CDC42EP4: variants seen among roughly 807,000 people sequenced by gnomAD.
CDC42EP4 encodes the protein CDC42 effector protein 4, also known as CDC42 effector protein (Rho GTPase binding) 4.
Under a neutral mutation model 5.6 loss-of-function variants are expected in CDC42EP4, and 6 were observed. That is an observed-to-expected ratio of 1.07 (90% CI 0.59 to 2.12). The LOEUF (loss-of-function observed/expected upper bound fraction) is 2.12. Ranked by LOEUF, CDC42EP4 falls within the 30% of genes most tolerant of loss-of-function variation. The pLI, the probability that CDC42EP4 is intolerant of heterozygous loss-of-function variation, is 0.00. For synonymous variants in CDC42EP4, 230 were observed against 224.2 expected, an observed-to-expected ratio of 1.03 and a Z score of -0.23; for missense variants, 490 against 508.6, an observed-to-expected ratio of 0.96 and a Z score of 0.35.
Position 73,286,560 on chromosome 17 carries a change from T to A in CDC42EP4, c.-60A>T. ...GGTAGCCGGCAGGTCTGGGGTCAGATCTGAAGTCCAAGTCCAGTGGGCAGA... is the reference window on the plus strand; with the variant it reads ...GGTAGCCGGCAGGTCTGGGGTCAGAACTGAAGTCCAAGTCCAGTGGGCAGA... On this transcript the variant is annotated 5_prime_UTR_variant, in exon 2 of 2. Transcript: ENST00000335793. The surrounding 1 kb of genome is among the most constrained non-coding windows in gnomAD (Gnocchi z 7.7). 1 of 1,333,796 alleles carries A rather than the reference T, an allele frequency of 7.5e-7. No homozygotes were observed. Among genetic ancestry groups the A allele is most frequent in the Non-Finnish European group, 1.0e-6 (1 of 979,854 alleles). The allele number at this position is 1,333,796 out of a possible 1,614,324, so 82.6% of individuals were successfully genotyped here.
At chr17:73,291,289 GTCCCACTGCCCCAGCGAGGA>G (rs1482956089) in intron 1 of CDC42EP4, among the ~76,000 whole-genome samples, 2 of 152,196 alleles carry the variant, frequency 1.3e-5, no homozygotes, top group African/African-American at 4.8e-5. Context: ...TCACGCATCT[GTCCCACTGCCCCAGCGAGGA>G]GGGGGCTGCA....
intron 1 of CDC42EP4, among the ~76,000 whole-genome samples, chr17:73,305,338 G>A (rs1174092237): frequency 1.3e-5 from 2 of 152,228 alleles, no homozygotes; most frequent in Non-Finnish European, 2.9e-5. Flanking sequence ...CTCTAGGAGT[G>A]GTGCTACTAC....
Position 73,285,963 on chromosome 17 carries a change from C to T in CDC42EP4, c.538G>A (p.Asp180Asn), listed in dbSNP as rs749088950. 12 of 1,613,706 alleles carry T rather than the reference C, an allele frequency of 7.4e-6. No individual in the cohort carries two copies. The highest frequency in any genetic ancestry group is 1.6e-4 in the Middle Eastern group (1 of 6,062). Reference sequence around the variant, plus strand: ...GTCAGATCCCCAAAGGCCTGCTCATCGAGGAGGGGGTCAGGGGAATGTGGA... The same window carrying T: ...GTCAGATCCCCAAAGGCCTGCTCATTGAGGAGGGGGTCAGGGGAATGTGGA... Reference protein sequence around the residue: ...AGPHSPDPLLDEQAFGDLTDL... With the variant: ...AGPHSPDPLLNEQAFGDLTDL... Residue 180 changes from aspartate (D) to asparagine (N), a missense_variant, in exon 2 of 2, where the codon GAT becomes AAT. Coordinates refer to ENST00000335793, the MANE Select transcript of CDC42EP4 (RefSeq NM_012121.5). This position sits in a 1 kb window ranked among gnomAD's most constrained non-coding sequence, Gnocchi z 6.8.
intron 1 of CDC42EP4, among the ~76,000 whole-genome samples, chr17:73,299,557 A>G (rs2062208128): frequency 6.6e-6 from 1 of 151,906 alleles, no homozygotes; most frequent in South Asian, 2.1e-4. Flanking sequence ...TTCCTGCTTC[A>G]GCCTCCCAAA....
At chr17:73,294,305 T>A (rs1244055623) in intron 1 of CDC42EP4, among the ~76,000 whole-genome samples, 1 of 151,940 alleles carries the variant, frequency 6.6e-6, no homozygotes, top group East Asian at 1.9e-4. Flanking sequence ...TGAGCTGAGA[T>A]CGCGCCACTG....
chr17:73,291,336 A>G (rs985103924), intron 1 of CDC42EP4, among the ~76,000 whole-genome samples: 1 of 152,198 alleles, frequency 6.6e-6, no homozygotes, highest in Admixed American at 6.5e-5. Context: ...GGCAGTCCAC[A>G]CTGGGGATGA....
chr17:73,310,443 G>T (rs1256163591), intron 1 of CDC42EP4, among the ~76,000 whole-genome samples: 2 of 152,110 alleles, frequency 1.3e-5, no homozygotes, highest in African/African-American at 4.8e-5. Flanking sequence ...ACCCTCAGGG[G>T]AGGGCAGGGG....
intron 1 of CDC42EP4, among the ~76,000 whole-genome samples, chr17:73,287,661 G>T (rs2062141252): frequency 2.6e-5 from 4 of 152,152 alleles, no homozygotes; most frequent in Admixed American, 2.0e-4. Context: ...TGGGTGCAGG[G>T]ATTTAACAAA....
At chr17:73,303,815 T>C (rs549968513) in intron 1 of CDC42EP4, among the ~76,000 whole-genome samples, 1 of 152,332 alleles carries the variant, frequency 6.6e-6, no homozygotes, top group African/African-American at 2.4e-5. Context: ...TCACTGTGAT[T>C]TGAATATCAC....
chr17:73,284,025 C>CTTCT lies in CDC42EP4; in HGVS notation c.*1401_*1404dup. 1 of 152,374 alleles carries CTTCT rather than the reference C, an allele frequency of 6.6e-6. No individual in the cohort carries two copies. The highest frequency in any genetic ancestry group is 1.5e-5 in the Non-Finnish European group (1 of 68,038). 9.4% of individuals were successfully genotyped at this position (152,374 alleles called of 1,614,324 possible). The stretch of plus-strand genomic sequence containing the variant: ...GTCAACCTCAGGGCTCATACCCGAG[C>CTTCT]TTCTGCTCAATCCCCTCGGGGACAG... On this transcript the variant is annotated 3_prime_UTR_variant, in exon 2 of 2. Coordinates refer to ENST00000335793, the MANE Select transcript of CDC42EP4 (RefSeq NM_012121.5).
rs1291822523 is a variant in CDC42EP4, at chr17:73,285,913, G to A, written c.588C>T (p.Ala196=). 18 of 1,613,876 alleles carry A rather than the reference G, an allele frequency of 1.1e-5. No homozygotes were observed. The highest frequency in any genetic ancestry group is 1.5e-5 in the Non-Finnish European group (18 of 1,180,050). Residue 196 remains alanine, a synonymous_variant, in exon 2 of 2, where the codon GCC becomes GCT. Coordinates refer to ENST00000335793, the MANE Select transcript of CDC42EP4 (RefSeq NM_012121.5). The surrounding 1 kb of genome is among the most constrained non-coding windows in gnomAD (Gnocchi z 6.8). ...ACTCCGCATGCTTCAGCCCGTACGT[G>A]GCCTTGGGCACGACAGGCAGATCTG... The part of the protein sequence containing the change: ...DLTDLPVVPK[A]TYGLKHAESI...
At chr17:73,310,606 C>T (rs983761639) in intron 1 of CDC42EP4, among the ~76,000 whole-genome samples, 14 of 152,044 alleles carry the variant, frequency 9.2e-5, no homozygotes, top group Non-Finnish European at 2.1e-4. Flanking sequence ...GTTCCAGAGG[C>T]AACGAGAAAA....
intron 1 of CDC42EP4, among the ~76,000 whole-genome samples, chr17:73,305,715 GCA>G (rs2062241535): frequency 6.6e-6 from 1 of 152,208 alleles, no homozygotes; most frequent in African/African-American, 2.4e-5. Context: ...GCTCGGGTGA[GCA>G]CAGTTCCATG....
At position 73,285,852 on chromosome 17, in the gene CDC42EP4, T is replaced by C; in HGVS notation, c.649A>G (p.Met217Val). The C allele has an allele frequency of 2.5e-6, 4 of 1,613,908 alleles. No individual in the cohort carries two copies. The highest frequency in any genetic ancestry group is 1.7e-6 in the Non-Finnish European group (2 of 1,179,890). The part of the protein sequence containing the change: ...MSFHIDLGPS[M>V]LGDVLSIMDK... ...ATGATGCTGAGGACGTCACCCAGCA[T>C]GGAGGGCCCCAGGTCGATGTGGAAG... is the stretch of plus-strand genomic sequence containing the variant. Residue 217 changes from methionine to valine, a missense_variant, in exon 2 of 2, where the codon ATG becomes GTG. Coordinates refer to ENST00000335793, the MANE Select transcript of CDC42EP4 (RefSeq NM_012121.5). This position sits in a 1 kb window ranked among gnomAD's most constrained non-coding sequence, Gnocchi z 6.8.
chr17:73,299,747 G>T (rs530261140), intron 1 of CDC42EP4, among the ~76,000 whole-genome samples: 5 of 152,256 alleles, frequency 3.3e-5, no homozygotes, highest in African/African-American at 1.2e-4. Flanking sequence ...GGGTGGGGTA[G>T]GAAGGGTCTG....
chr17:73,308,069 A>C (rs1010132859), intron 1 of CDC42EP4, among the ~76,000 whole-genome samples: 1 of 151,764 alleles, frequency 6.6e-6, no homozygotes, highest in East Asian at 1.9e-4. Context: ...TTCCCAACGC[A>C]CTCAAGCAAA....
At chr17:73,291,540 G>T (rs1490770042) in intron 1 of CDC42EP4, among the ~76,000 whole-genome samples, 3 of 152,208 alleles carry the variant, frequency 2.0e-5, no homozygotes, top group Non-Finnish European at 4.4e-5. Flanking sequence ...GGCCTGGGCA[G>T]GTCCTGGGGG....
At chr17:73,296,168 G>C (rs1163476993) in intron 1 of CDC42EP4, among the ~76,000 whole-genome samples, 1 of 148,118 alleles carries the variant, frequency 6.8e-6, no homozygotes, top group African/African-American at 2.5e-5. Flanking sequence ...GGTGGACCAC[G>C]ACGTCAGGAG....
rs56876729 is a variant in CDC42EP4 at position 73,289,762 on chromosome 17, G to C, written c.-112-3150C>G. Among the ~76,000 whole-genome samples the C allele has an allele frequency of 1.9e-4, 26 of 137,602 alleles. No individual in the cohort carries two copies. The East Asian group carries it at 3.3e-3, about 18-fold the overall frequency. The allele number at this position is 137,602 out of a possible 152,430, so 90.3% of individuals were successfully genotyped here. On this transcript the variant is annotated intron_variant, in intron 1 of 1. Coordinates refer to ENST00000335793, the MANE Select transcript of CDC42EP4 (RefSeq NM_012121.5). ...GGGAGGAAGGGAGGGAGGAAGGGAG[G>C]GGAAGGAAAGGAAGGAAGGAAAGGA...
Sources: gnomAD v4.1 joint callset for allele counts (sites outside exome capture counted in the v4.1 genomes callset) on GRCh38, gnomAD v4.1.1 for gene constraint, Gnocchi (gnomAD v3.1) non-coding constraint, MANE v1.5 for transcripts, NCBI Gene and HGNC (gene_info 2026-07-23, HGNC 2026-07-21) for gene names.